Variants in TGFB1 observed in about 807,000 individuals in gnomAD.
The protein encoded by TGFB1 is transforming growth factor beta-1 proprotein.
In TGFB1, 19 loss-of-function variants were observed where a neutral mutation model predicts 43.8. The observed-to-expected ratio is 0.43, with a 90% CI of 0.30 to 0.64. TGFB1 has a LOEUF of 0.64. Among genes scored for constraint, TGFB1 ranks in the 30% least tolerant of loss-of-function variants. TGFB1 has a pLI of 0.11. For missense variants in TGFB1, 445 were observed against 529.8 expected (o/e 0.84, Z 1.57); for synonymous variants, 221 against 236.3 (o/e 0.94, Z 0.60).
intron 2 of TGFB1, among the ~76,000 whole-genome samples, chr19:41,347,601 G>C (rs1394912459): frequency 6.6e-6 from 1 of 152,110 alleles, no homozygotes; most frequent in Non-Finnish European, 1.5e-5. Context: ...GCTCAGGTAG[G>C]AGAATCACTT....
In TGFB1 at chr19:41,353,214, C is replaced by G. The variant is rs1015982838; in HGVS notation, c.-170G>C. The G allele has an allele frequency of 5.0e-6, 4 of 797,912 alleles. No individual in the cohort carries two copies. The highest frequency in any genetic ancestry group is 7.5e-6 in the Non-Finnish European group (4 of 535,678). The allele number at this position is 797,912 out of a possible 1,614,324, so 49.4% of individuals were successfully genotyped here. ...GCAGTGGTGGAGGGGAGGCTTGGACCGGGGGTGTCTCAGTATCCCACGGAA... is the reference window on the plus strand; with the variant it reads ...GCAGTGGTGGAGGGGAGGCTTGGACGGGGGGTGTCTCAGTATCCCACGGAA... On this transcript the variant is annotated 5_prime_UTR_variant, in exon 1 of 7. Transcript: ENST00000221930. This position sits in a 1 kb window ranked among gnomAD's most constrained non-coding sequence, Gnocchi z 5.9.
rs570977266 is a variant in TGFB1, at chr19:41,332,092, C to A, written c.1014+36G>T. The A allele has an allele frequency of 2.5e-5, 40 of 1,601,968 alleles. No homozygotes were observed. The South Asian group carries it at 3.2e-4, about 13-fold the overall frequency. The stretch of plus-strand genomic sequence containing the variant: ...TCCTCTTCCTCCGTCCTGGCTCCCC[C>A]CAAGCGCATCTCGTAGCCCGGTGGG... On this transcript the variant is annotated intron_variant, in intron 6 of 6. Transcript: ENST00000221930.
chr19:41,344,304 C>G (rs2038091449), intron 3 of TGFB1, among the ~76,000 whole-genome samples: 1 of 152,028 alleles, frequency 6.6e-6, no homozygotes, highest in African/African-American at 2.4e-5. Context: ...TCTTACACCT[C>G]TCCTTTTCCT....
At position 41,353,033 on chromosome 19, in the gene TGFB1, G is replaced by T; in HGVS notation, c.12C>A (p.Ser4=). 1 of 1,529,480 alleles carries T rather than the reference G, an allele frequency of 6.5e-7. No individual in the cohort carries two copies. The allele number at this position is 1,529,480 out of a possible 1,614,324, so 94.7% of individuals were successfully genotyped here. Residue 4 remains serine, a synonymous_variant, in exon 1 of 7, where the codon TCC becomes TCA. Transcript: ENST00000221930. The surrounding 1 kb of genome is among the most constrained non-coding windows in gnomAD (Gnocchi z 5.9). Reference sequence around the variant, plus strand: ...GCAGCAGCGGCAGCAGCCGCAGCCCGGAGGGCGGCATGGGGGAGGCGGCGC... The same window carrying T: ...GCAGCAGCGGCAGCAGCCGCAGCCCTGAGGGCGGCATGGGGGAGGCGGCGC... MPP[S]GLRLLPLLLP...
chr19:41,341,822 G>A, intron 5 of TGFB1, 61 bp downstream of exon 5: 2 of 1,608,448 alleles, frequency 1.2e-6, no homozygotes, highest in South Asian at 2.2e-5. Context: ...GGAGCACCTG[G>A]TCAGCAGATG....
chr19:41,337,168 TCTCA>T (rs1324094533), intron 5 of TGFB1, among the ~76,000 whole-genome samples: 1 of 151,644 alleles, frequency 6.6e-6, no homozygotes, highest in Non-Finnish European at 1.5e-5. Flanking sequence ...GAGACGGGAG[TCTCA>T]CTCTTGTTGC....
rs190917627 is a variant in TGFB1 at position 41,339,200 on chromosome 19, C to T, written c.860+2683G>A. Among the ~76,000 whole-genome samples, 584 of 151,442 alleles carry T rather than the reference C, an allele frequency of 3.9e-3. 3 individuals carry two copies. The highest frequency in any genetic ancestry group is 8.9e-3 in the Admixed American group (135 of 15,170). On this transcript the variant is annotated intron_variant, in intron 5 of 6. Transcript: ENST00000221930. ...GTGGCGTGATCCTGGCTGACTGCAG[C>T]CACAACCTCCTAGGCTCAAGCACTC...
intron 1 of TGFB1, among the ~76,000 whole-genome samples, chr19:41,352,050 C>A (rs1369646434): frequency 1.3e-5 from 2 of 152,206 alleles, no homozygotes; most frequent in African/African-American, 4.8e-5. Context: ...CTTCCAATAA[C>A]CTCCCGTCCC....
chr19:41,348,661 C>T (rs1197184602), intron 1 of TGFB1, among the ~76,000 whole-genome samples: 1 of 149,534 alleles, frequency 6.7e-6, no homozygotes, highest in Non-Finnish European at 1.5e-5. Context: ...CTCGCTCTGT[C>T]ACCCAGGCTT....
chr19:41,341,936 C>G lies in TGFB1; in HGVS notation c.807G>C (p.Gln269His). 1 of 1,614,170 alleles carries G rather than the reference C, an allele frequency of 6.2e-7. No homozygotes were observed. The highest frequency in any genetic ancestry group is 8.5e-7 in the Non-Finnish European group (1 of 1,180,008). Residue 269 changes from glutamine to histidine, a missense_variant, in exon 5 of 7, where the codon CAG becomes CAC. This residue lies in a region of TGFB1 where 366 missense variants were observed against 428.8 expected (regional missense o/e 0.85). Transcript: ENST00000221930. ...GGCGGTGCCGGGAGCTTTGCAGATG[C>G]TGGGCCCTCTCCAGCGGGGTGGCCA... is the stretch of plus-strand genomic sequence containing the variant. ...LLMATPLERA[Q>H]HLQSSRHRRA...
In TGFB1 at chr19:41,336,769, A is replaced by G. The variant is rs150257197; in HGVS notation, c.861-4488T>C. ...TATTTCAAATGTATCTCTAATTAAG[A>G]CTACTTTAAAACACAGTCACAATAC... On this transcript the variant is annotated intron_variant, in intron 5 of 6. Coordinates refer to ENST00000221930, the MANE Select transcript of TGFB1 (RefSeq NM_000660.7). Among the ~76,000 whole-genome samples the G allele has an allele frequency of 1.4e-4, 22 of 152,188 alleles. No homozygotes were observed. In the East Asian group the frequency reaches 4.2e-3, roughly 29 times the overall value.
chr19:41,350,307 C>CTT (rs55873066), intron 1 of TGFB1, among the ~76,000 whole-genome samples: 9 of 119,694 alleles, frequency 7.5e-5, no homozygotes, highest in African/African-American at 2.3e-4. Flanking sequence ...GTTTTCTTTT[C>CTT]TTTTTTTTTT....
intron 3 of TGFB1, among the ~76,000 whole-genome samples, chr19:41,343,180 G>C (rs1380356762): frequency 1.3e-5 from 2 of 150,848 alleles, no homozygotes; most frequent in African/African-American, 4.9e-5. Flanking sequence ...TGTTGCCCAG[G>C]CTGGAGTGCA....
In TGFB1 at chr19:41,330,958, G is replaced by T. The variant is rs2037921861; in HGVS notation, c.*94C>A. On this transcript the variant is annotated 3_prime_UTR_variant, in exon 7 of 7. Coordinates refer to ENST00000221930, the MANE Select transcript of TGFB1 (RefSeq NM_000660.7). ...GGGGCCCCAGGTGGGCTTGGGGCAC[G>T]GGTGTCCTTAAATACAGCCCCCATG... 1 of 1,219,798 alleles carries T rather than the reference G, an allele frequency of 8.2e-7. No homozygotes were observed. The highest frequency in any genetic ancestry group is 1.1e-6 in the Non-Finnish European group (1 of 918,038). 75.6% of individuals were successfully genotyped at this position (1,219,798 alleles called of 1,614,324 possible).
At position 41,332,158 on chromosome 19, in the gene TGFB1, G is replaced by A; in HGVS notation, c.984C>T (p.Tyr328=). 6.2e-7 allele frequency: 1 copy of A among 1,614,146 alleles called. No individual in the cohort carries two copies. Among genetic ancestry groups the A allele is most frequent in the Non-Finnish European group, 8.5e-7 (1 of 1,179,976 alleles). Residue 328 remains tyrosine (Y), a synonymous_variant, in exon 6 of 7, where the codon TAC becomes TAT. Coordinates refer to ENST00000221930, the MANE Select transcript of TGFB1 (RefSeq NM_000660.7). ...HANFCLGPCP[Y]IWSLDTQYSK... is the part of the protein sequence containing the mutation. ...TGTACTGCGTGTCCAGGCTCCAAATGTAGGGGCAGGGCCCGAGGCAGAAGT... is the reference window on the plus strand; with the variant it reads ...TGTACTGCGTGTCCAGGCTCCAAATATAGGGGCAGGGCCCGAGGCAGAAGT...
At chr19:41,352,665 G>A (rs1474917291) in intron 1 of TGFB1, 25 bp downstream of exon 1, 2 of 1,610,232 alleles carry the variant, frequency 1.2e-6, no homozygotes, top group Non-Finnish European at 1.7e-6. Context: ...CCCCCCTCCC[G>A]GCTCCCCTGC....
chr19:41,333,913 T>C (rs1330629732), intron 5 of TGFB1, among the ~76,000 whole-genome samples: 1 of 152,260 alleles, frequency 6.6e-6, no homozygotes, highest in Non-Finnish European at 1.5e-5. Flanking sequence ...AAAATCTTAA[T>C]TACCGATGAC....
rs956868260 is a variant in TGFB1 at position 41,353,264 on chromosome 19, T to TA, written c.-221dup. 8 of 541,536 alleles carry TA rather than the reference T, an allele frequency of 1.5e-5. 1 individual carries two copies. The highest frequency in any genetic ancestry group is 3.6e-5 in the Admixed American group (1 of 27,972). The allele number at this position is 541,536 out of a possible 1,614,324, so 33.5% of individuals were successfully genotyped here. On this transcript the variant is annotated 5_prime_UTR_variant, in exon 1 of 7. Transcript: ENST00000221930. The surrounding 1 kb of genome is among the most constrained non-coding windows in gnomAD (Gnocchi z 5.9). ...AATAACCTAGATGGGCGCGATCTGG[T>TA]ACCAGAAGGTGGGTGGTCTTGAATA...
At position 41,348,312 on chromosome 19, in the gene TGFB1, G is replaced by A; in HGVS notation, c.499C>T (p.His167Tyr). The A allele has an allele frequency of 6.2e-7, 1 of 1,612,972 alleles. No individual in the cohort carries two copies. Among genetic ancestry groups the A allele is most frequent in the Non-Finnish European group, 8.5e-7 (1 of 1,179,668 alleles). ...GTCCTCACCTGGTACAGCTCCACGT[G>A]CTGCTCCACTTTTAACTTGAGCCTC... ...LLRLKLKVEQ[H>Y]VELYQKYSNN... The change falls in exon 2 of 7, where the codon CAC becomes TAC. Residue 167 changes from histidine (H) to tyrosine (Y), a missense_variant. By Grantham distance (83) the His-to-Tyr change is moderately conservative. Transcript: ENST00000221930.
Sources: gnomAD v4.1 joint callset for allele counts (sites outside exome capture counted in the v4.1 genomes callset) on GRCh38, gnomAD v4.1.1 for gene constraint, gnomAD v4.1.1 regional missense constraint, Gnocchi (gnomAD v3.1) non-coding constraint, MANE v1.5 for transcripts, NCBI Gene and HGNC (gene_info 2026-07-23, HGNC 2026-07-21) for gene names.